ARMC3: variants seen among roughly 807,000 people sequenced by gnomAD.
The protein encoded by ARMC3 is armadillo repeat containing 3, also known as armadillo repeat-containing protein 3.
In ARMC3, 74 loss-of-function variants were observed where a neutral mutation model predicts 90.3. The observed-to-expected ratio is 0.82, with a 90% confidence interval of 0.68 to 0.99. The LOEUF (loss-of-function observed/expected upper bound fraction) is 0.99. Ranked by LOEUF, ARMC3 falls within the 50% of genes least tolerant of loss-of-function variation. The probability of loss-of-function intolerance (pLI) is 0.00; values close to 1 mark genes in which losing one functional copy is unlikely to be tolerated. For missense variants in ARMC3, 958 were observed against 1,042.8 expected (o/e 0.92, Z 1.12); for synonymous variants, 334 against 361.8 (o/e 0.92, Z 0.87).
intron 7 of ARMC3, among the ~76,000 whole-genome samples, chr10:22,967,934 ATTATT>A (rs1369730554): frequency 6.6e-6 from 1 of 152,202 alleles, no homozygotes; most frequent in East Asian, 1.9e-4. Context: ...ATAGTCACAA[ATTATT>A]TTAAAGTATA....
intron 4 of ARMC3, among the ~76,000 whole-genome samples, chr10:22,957,176 T>TC (rs1300106497): frequency 1.3e-5 from 2 of 152,172 alleles, no homozygotes; most frequent in African/African-American, 2.4e-5. Flanking sequence ...TTCCTAGTCT[T>TC]CCTGCCCATC....
intron 10 of ARMC3, among the ~76,000 whole-genome samples, chr10:22,992,133 T>G (rs781368411): frequency 6.6e-6 from 1 of 152,202 alleles, no homozygotes; most frequent in Non-Finnish European, 1.5e-5. Context: ...GTATTGTGAT[T>G]GAACAGATAG....
chr10:22,940,434 G>A (rs1834282951), intron 2 of ARMC3, among the ~76,000 whole-genome samples: 1 of 152,238 alleles, frequency 6.6e-6, no homozygotes, highest in African/African-American at 2.4e-5. Flanking sequence ...GTTGGATACA[G>A]ATACATTGCT....
rs1835630160 is a variant in ARMC3 at position 22,970,386 on chromosome 10, C to T, written c.916+1897C>T. Among the ~76,000 whole-genome samples, 3 of 152,140 alleles carry T rather than the reference C, an allele frequency of 2.0e-5. No homozygotes were observed. In the South Asian group the frequency reaches 6.2e-4, roughly 32 times the overall value. On this transcript the variant is annotated intron_variant, in intron 8 of 18. Coordinates refer to ENST00000298032, the MANE Select transcript of ARMC3 (RefSeq NM_173081.5). ...CCAGAAAGCCACAGAACACTGAGCG[C>T]TCAGGCTATGGACGTGGTGAGGAGC... is the stretch of plus-strand genomic sequence containing the variant.
intron 13 of ARMC3, among the ~76,000 whole-genome samples, chr10:23,004,069 GA>G (rs982237648): frequency 9.2e-5 from 14 of 152,180 alleles, no homozygotes; most frequent in African/African-American, 3.4e-4. Flanking sequence ...AGGATGGCTT[GA>G]GCCCAGAGTT....
In ARMC3 at chr10:22,968,367, A is replaced by C. The variant is rs1478473070; in HGVS notation, c.794A>C (p.Asp265Ala). The C allele has an allele frequency of 6.2e-7, 1 of 1,614,082 alleles. No homozygotes were observed. The highest frequency in any genetic ancestry group is 2.2e-5 in the East Asian group (1 of 44,872). Residue 265 changes from aspartate (D) to alanine (A), a missense_variant, in exon 8 of 19, where the codon GAT becomes GCT. By Grantham distance (126) the Asp-to-Ala change is moderately radical. Coordinates refer to ENST00000298032, the MANE Select transcript of ARMC3 (RefSeq NM_173081.5). Reference protein sequence around the residue: ...AVIANCLEDMDTMVQIQQTGG... With the variant: ...AVIANCLEDMATMVQIQQTGG... Reference sequence around the variant, plus strand: ...ATAGCCAATTGCCTTGAAGACATGGATACTATGGTGCAGATTCAGCAGACA... The same window carrying C: ...ATAGCCAATTGCCTTGAAGACATGGCTACTATGGTGCAGATTCAGCAGACA...
rs758745393 is a variant in ARMC3 at position 22,981,709 on chromosome 10, A to G, written c.1175+9A>G. 1.9e-6 allele frequency: 3 copies of G among 1,604,790 alleles called. No individual in the cohort carries two copies. Among genetic ancestry groups the G allele is most frequent in the Admixed American group, 1.7e-5 (1 of 59,748 alleles). On this transcript the variant is annotated intron_variant, in intron 10 of 18. Coordinates refer to ENST00000298032, the MANE Select transcript of ARMC3 (RefSeq NM_173081.5). The stretch of plus-strand genomic sequence containing the variant: ...AACCCTGCTAATGCAAAGTAAGTTC[A>G]GAGATCCTCACCCAGCACTGACTTG...
At chr10:23,013,435 G>A (rs1268043564) in intron 16 of ARMC3, among the ~76,000 whole-genome samples, 2 of 152,118 alleles carry the variant, frequency 1.3e-5, no homozygotes, top group Non-Finnish European at 2.9e-5. Flanking sequence ...GTGAATTTGG[G>A]TTTTTAATTA....
At chr10:23,033,273 A>G (rs1175690491) in intron 18 of ARMC3, among the ~76,000 whole-genome samples, 1 of 152,196 alleles carries the variant, frequency 6.6e-6, no homozygotes, top group Non-Finnish European at 1.5e-5. Context: ...TTTATTCAAT[A>G]GTGACCATAC....
intron 8 of ARMC3, among the ~76,000 whole-genome samples, chr10:22,969,768 T>C (rs1835603567): frequency 6.6e-6 from 1 of 152,224 alleles, no homozygotes; most frequent in South Asian, 2.1e-4. Context: ...ACACGGACAA[T>C]GCCAAACCTG....
chr10:22,982,567 T>G (rs866305397), intron 10 of ARMC3, among the ~76,000 whole-genome samples: 1 of 152,336 alleles, frequency 6.6e-6, no homozygotes, highest in Non-Finnish European at 1.5e-5. Context: ...TTTTCCCAGG[T>G]ACACATTTTT....
chr10:22,987,737 A>T (rs1836516832), intron 10 of ARMC3, among the ~76,000 whole-genome samples: 2 of 152,186 alleles, frequency 1.3e-5, no homozygotes, highest in Admixed American at 1.3e-4. Flanking sequence ...GAACTGAGTG[A>T]TTTACCTAAA....
At chr10:23,023,964 C>T (rs967707047) in intron 16 of ARMC3, among the ~76,000 whole-genome samples, 1 of 152,166 alleles carries the variant, frequency 6.6e-6, no homozygotes, top group African/African-American at 2.4e-5. Context: ...AAACTCCCCA[C>T]ATTTGCTGAA....
At chr10:23,029,901 T>C (rs371048847) in intron 16 of ARMC3, among the ~76,000 whole-genome samples, 3 of 152,306 alleles carry the variant, frequency 2.0e-5, no homozygotes, top group African/African-American at 7.2e-5. Context: ...ATAATTTTTC[T>C]TAAAAATAGC....
chr10:23,036,071 A>G (rs536399547), intron 18 of ARMC3, among the ~76,000 whole-genome samples: 23 of 152,310 alleles, frequency 1.5e-4, no homozygotes, highest in African/African-American at 5.1e-4. Context: ...TTTACCCTCT[A>G]TAAAACGGGG....
At chr10:22,972,973 A>T (rs2131307671) in intron 8 of ARMC3, among the ~76,000 whole-genome samples, 1 of 152,236 alleles carries the variant, frequency 6.6e-6, no homozygotes, top group African/African-American at 2.4e-5. Flanking sequence ...GTCAGTACCC[A>T]GAGCTCAAAG....
intron 16 of ARMC3, among the ~76,000 whole-genome samples, chr10:23,021,507 C>G (rs1160549573): frequency 6.6e-6 from 1 of 152,100 alleles, no homozygotes; most frequent in Non-Finnish European, 1.5e-5. Context: ...TTAGTAATAG[C>G]CATTCTAACT....
At chr10:23,009,301 G>A (rs1461316162) in intron 16 of ARMC3, among the ~76,000 whole-genome samples, 3 of 152,136 alleles carry the variant, frequency 2.0e-5, no homozygotes, top group East Asian at 3.9e-4. Flanking sequence ...TTTTGCAGGT[G>A]GGGAACCCCA....
At position 23,037,316 on chromosome 10, in the gene ARMC3, A is replaced by G. The variant is rs769373739; in HGVS notation, c.2456A>G (p.Glu819Gly). 3.7e-6 allele frequency: 6 copies of G among 1,611,332 alleles called. No individual in the cohort carries two copies. Among genetic ancestry groups the G allele is most frequent in the Non-Finnish European group, 4.2e-6 (5 of 1,178,466 alleles). The change falls in exon 19 of 19, where the codon GAG becomes GGG. Residue 819 changes from glutamate to glycine, a missense_variant. Coordinates refer to ENST00000298032, the MANE Select transcript of ARMC3 (RefSeq NM_173081.5). Reference sequence around the variant, plus strand: ...ATTGGTTGCTCCCTAGTTCGCGGAGAGTACGGTAGAGCGTGGAATGAAGTC... The same window carrying G: ...ATTGGTTGCTCCCTAGTTCGCGGAGGGTACGGTAGAGCGTGGAATGAAGTC... ...IGIGCSLVRG[E>G]YGRAWNEVML... is the part of the protein sequence containing the mutation.
Sources: gnomAD v4.1 joint callset for allele counts (sites outside exome capture counted in the v4.1 genomes callset) on GRCh38, gnomAD v4.1.1 for gene constraint, MANE v1.5 for transcripts, NCBI Gene and HGNC (gene_info 2026-07-23, HGNC 2026-07-21) for gene names.